LRCH2: variants seen among roughly 807,000 people sequenced by gnomAD.
LRCH2 encodes leucine-rich repeat and calponin homology domain-containing protein 2.
In LRCH2, 38 loss-of-function variants were observed where a neutral mutation model predicts 68.9. That is an observed-to-expected ratio of 0.55 (90% CI 0.43 to 0.72). The LOEUF (loss-of-function observed/expected upper bound fraction) is 0.72. Among genes scored for constraint, LRCH2 ranks in the 30% least tolerant of loss-of-function variants. The pLI, the probability that LRCH2 is intolerant of heterozygous loss-of-function variation, is 0.00. For synonymous variants in LRCH2, 191 were observed against 208.1 expected, an observed-to-expected ratio of 0.92 and a Z score of 0.71; for missense variants, 528 against 572.9, an observed-to-expected ratio of 0.92 and a Z score of 0.80.
At chrX:115,215,769 C>CA (rs57563158) in intron 1 of LRCH2, among the ~76,000 whole-genome samples, 22 of 45,184 alleles carry the variant, frequency 4.9e-4, no homozygotes, top group African/African-American at 1.8e-3. Flanking sequence ...GACTCCATCT[C>CA]AAAAAAAAAA....
chrX:115,198,063 CTTTAT>C (rs1556564472), intron 1 of LRCH2, among the ~76,000 whole-genome samples: 1 of 91,493 alleles, frequency 1.1e-5, no homozygotes, highest in Non-Finnish European at 2.1e-5. Flanking sequence ...TTGCTTATTG[CTTTAT>C]TTTATTTTTT....
chrX:115,141,942 C>G (rs900946685), intron 14 of LRCH2, among the ~76,000 whole-genome samples: 2 of 106,985 alleles, frequency 1.9e-5, no homozygotes, highest in Admixed American at 1.0e-4. Flanking sequence ...TACGAAGATA[C>G]ACATAGACTG....
intron 20 of LRCH2, among the ~76,000 whole-genome samples, chrX:115,121,331 C>A (rs782482585): frequency 6.6e-4 from 73 of 111,240 alleles, no homozygotes; most frequent in African/African-American, 2.2e-3. Flanking sequence ...AAAGAAACAA[C>A]AAACATTTTT....
At chrX:115,130,981 G>A (rs2072238886) in intron 14 of LRCH2, among the ~76,000 whole-genome samples, 2 of 111,349 alleles carry the variant, frequency 1.8e-5, no homozygotes, top group African/African-American at 6.5e-5. Flanking sequence ...TACAACTCAT[G>A]ACTGCCCTGT....
intron 1 of LRCH2, among the ~76,000 whole-genome samples, chrX:115,227,361 C>A (rs142583725): frequency 2.0e-3 from 223 of 109,124 alleles, no homozygotes; most frequent in African/African-American, 7.3e-3. Flanking sequence ...CAACCCTACC[C>A]TTCCCCACAA....
chrX:115,199,179 G>A (rs1458075697), intron 1 of LRCH2, among the ~76,000 whole-genome samples: 3 of 111,806 alleles, frequency 2.7e-5, no homozygotes, highest in African/African-American at 9.8e-5. Flanking sequence ...GAAGAAAAAG[G>A]AATCAAATGG....
chrX:115,131,479 C>T (rs1267570031), intron 14 of LRCH2, among the ~76,000 whole-genome samples: 1 of 111,425 alleles, frequency 9.0e-6, no homozygotes, highest in East Asian at 2.8e-4. Flanking sequence ...AATATATGTG[C>T]CACATTTTCT....
chrX:115,176,507 A>AT (rs11360572), intron 5 of LRCH2, among the ~76,000 whole-genome samples: 1,070 of 95,348 alleles, frequency 0.011, 17 homozygotes, highest in African/African-American at 0.037. Flanking sequence ...CTATTTTTCA[A>AT]TTTTTTTTTT....
chrX:115,220,495 G>A (rs782251399), intron 1 of LRCH2, among the ~76,000 whole-genome samples: 12 of 111,698 alleles, frequency 1.1e-4, no homozygotes, highest in Admixed American at 5.7e-4. Context: ...GATAAACTTC[G>A]TAACTGAAAG....
intron 15 of LRCH2, 81 bp from the exon 16 acceptor site, chrX:115,126,974 T>C: frequency 1.6e-6 from 1 of 627,774 alleles, no homozygotes; most frequent in Non-Finnish European, 2.3e-6. Flanking sequence ...AAATAAAAAT[T>C]GTTCTGACCA....
chrX:115,212,751 G>A (rs782024339), intron 1 of LRCH2, among the ~76,000 whole-genome samples: 2 of 109,462 alleles, frequency 1.8e-5, no homozygotes, highest in Middle Eastern at 4.6e-3. Context: ...AGGGTGGATT[G>A]CTTGAGTCTA....
intron 1 of LRCH2, chrX:115,191,062 T>TA (rs1168772639): frequency 8.6e-7 from 1 of 1,157,681 alleles, no homozygotes; most frequent in Non-Finnish European, 1.1e-6. Context: ...CAGCAACAGT[T>TA]ACGGCCAGAG....
intron 16 of LRCH2, among the ~76,000 whole-genome samples, chrX:115,124,470 T>C (rs1355940564): frequency 8.9e-6 from 1 of 112,234 alleles, no homozygotes; most frequent in Non-Finnish European, 1.9e-5. Flanking sequence ...TCTATTTGAA[T>C]GAATATTTTT....
intron 14 of LRCH2, among the ~76,000 whole-genome samples, chrX:115,131,233 T>C (rs2072241582): frequency 9.7e-6 from 1 of 103,049 alleles, no homozygotes; most frequent in Non-Finnish European, 2.0e-5. Flanking sequence ...ATTAGGTATA[T>C]CTCCTAATGC....
intron 14 of LRCH2, among the ~76,000 whole-genome samples, chrX:115,136,134 AACTT>A (rs201232370): frequency 0.036 from 4,044 of 111,759 alleles, 173 homozygotes; most frequent in African/African-American, 0.12. Context: ...TTAAAAAACA[AACTT>A]AATTAAGGTT....
At chrX:115,113,401 T>G (rs935422877) in intron 20 of LRCH2, 66 bp from the exon 21 acceptor site, 2 of 923,903 alleles carry the variant, frequency 2.2e-6, no homozygotes, top group African/African-American at 4.0e-5. Flanking sequence ...AAGTCAGAAT[T>G]TGATTTTAAA....
At chrX:115,159,706 A>G (rs1556540863) in intron 11 of LRCH2, among the ~76,000 whole-genome samples, 2 of 105,326 alleles carry the variant, frequency 1.9e-5, no homozygotes, top group South Asian at 4.5e-4. Flanking sequence ...AACCGAGATC[A>G]CGCCACTGCA....
intron 3 of LRCH2, among the ~76,000 whole-genome samples, chrX:115,182,283 C>A (rs1306784976): frequency 9.0e-6 from 1 of 111,140 alleles, no homozygotes. Context: ...AAATAAATTA[C>A]GGAGACATAA....
At chrX:115,231,634 G>A (rs1224462025) in intron 1 of LRCH2, among the ~76,000 whole-genome samples, 2 of 112,250 alleles carry the variant, frequency 1.8e-5, no homozygotes, top group African/African-American at 6.5e-5. Context: ...TGTTTACCAT[G>A]AACAGATATG....
Sources: allele counts gnomAD v4.1 joint callset (sites outside exome capture counted in the v4.1 genomes callset), GRCh38; gene constraint gnomAD v4.1.1; transcripts MANE v1.5; gene names NCBI Gene and HGNC (gene_info 2026-07-23, HGNC 2026-07-21).